FAM167A: variants seen among roughly 807,000 people sequenced by gnomAD.
FAM167A encodes the protein protein FAM167A.
In FAM167A, 23 loss-of-function variants were observed where a neutral mutation model predicts 14.9. The observed-to-expected ratio is 1.55, with a 90% CI of 1.11 to 2.19. FAM167A has a LOEUF of 2.19. FAM167A is among the 30% of genes most tolerant of loss of function. The pLI is 0.00. For synonymous variants in FAM167A, 174 were observed against 117.7 expected, an observed-to-expected ratio of 1.48 and a Z score of -3.10; for missense variants, 401 against 281.5, an observed-to-expected ratio of 1.42 and a Z score of -3.04.
chr8:11,459,661 C>T (rs957336542), intron 1 of FAM167A, among the ~76,000 whole-genome samples: 16 of 152,180 alleles, frequency 1.1e-4, no homozygotes, highest in East Asian at 5.8e-4. Context: ...CAACCTGTGA[C>T]GCTGGACAAG....
At chr8:11,435,404 C>A (rs1257980655) in intron 2 of FAM167A, among the ~76,000 whole-genome samples, 2 of 152,254 alleles carry the variant, frequency 1.3e-5, no homozygotes, top group Non-Finnish European at 2.9e-5. Flanking sequence ...GAGACAGAGA[C>A]TGGGGCCACC....
intron 2 of FAM167A, among the ~76,000 whole-genome samples, chr8:11,431,127 T>C (rs1474269160): frequency 2.6e-5 from 4 of 152,144 alleles, no homozygotes; most frequent in African/African-American, 4.8e-5. Context: ...CAATCACCAA[T>C]AGGCGGAACC....
chr8:11,470,085 A>T (rs1807907725), upstream of FAM167A, among the ~76,000 whole-genome samples: 1 of 152,190 alleles, frequency 6.6e-6, no homozygotes, highest in South Asian at 2.1e-4. Context: ...GAGAACTGAT[A>T]ATCTAGCAGA....
At chr8:11,457,087 TGGGTTGGGGAAATGGGC>T (rs1807357022) in intron 1 of FAM167A, among the ~76,000 whole-genome samples, 3 of 14,758 alleles carry the variant, frequency 2.0e-4, no homozygotes, top group African/African-American at 8.1e-4. Context: ...TGGGCGGGGC[TGGGTTGGGGAAATGGGC>T]GGGGCTGGGT....
chr8:11,433,114 T>C (rs1048828318), intron 2 of FAM167A, among the ~76,000 whole-genome samples: 1 of 151,842 alleles, frequency 6.6e-6, no homozygotes, highest in Non-Finnish European at 1.5e-5. Flanking sequence ...AGGTGACGGG[T>C]TGTTGGGTGC....
intron 2 of FAM167A, among the ~76,000 whole-genome samples, chr8:11,431,295 G>A (rs1342834922): frequency 6.6e-6 from 1 of 152,240 alleles, no homozygotes; most frequent in Non-Finnish European, 1.5e-5. Flanking sequence ...AGACACTAAA[G>A]GCCAAATACC....
At chr8:11,466,058 G>A (rs1024385768) in intron 1 of FAM167A, among the ~76,000 whole-genome samples, 1 of 152,134 alleles carries the variant, frequency 6.6e-6, no homozygotes, top group Non-Finnish European at 1.5e-5. Flanking sequence ...GGTGACTCAG[G>A]GTGCCCACCT....
At chr8:11,459,182 C>T (rs75326686) in intron 1 of FAM167A, among the ~76,000 whole-genome samples, 4 of 152,020 alleles carry the variant, frequency 2.6e-5, no homozygotes, top group African/African-American at 7.3e-5. Flanking sequence ...TGTGCAATAT[C>T]TAGTTTAGCC....
intron 1 of FAM167A, among the ~76,000 whole-genome samples, chr8:11,453,923 G>A (rs1807128135): frequency 6.6e-6 from 1 of 152,242 alleles, no homozygotes; most frequent in Non-Finnish European, 1.5e-5. Context: ...GGGCTCCTCA[G>A]TGACAGCCCA....
In FAM167A at chr8:11,424,295, A is replaced by C; in HGVS notation, c.*78T>G. The C allele has an allele frequency of 6.3e-7, 1 of 1,581,074 alleles. No homozygotes were observed. The highest frequency in any genetic ancestry group is 8.6e-7 in the Non-Finnish European group (1 of 1,160,392). ...CTGCCTCCGGGAGACCCACTGGAGT[A>C]ACTTGGCCTCAGCTTCCTCTGACAC... On this transcript the variant is annotated 3_prime_UTR_variant, in exon 3 of 3. Coordinates refer to ENST00000284486, the MANE Select transcript of FAM167A (RefSeq NM_053279.3).
At chr8:11,468,585 G>A (rs1807858553), upstream of FAM167A, among the ~76,000 whole-genome samples, 1 of 147,574 alleles carries the variant, frequency 6.8e-6, no homozygotes, top group South Asian at 2.1e-4. Flanking sequence ...CCTTCTGGGT[G>A]CTGGCTGTTT....
In FAM167A at chr8:11,423,444, C is replaced by T. The variant is rs915815736; in HGVS notation, c.*929G>A. ...CAGGCACAAAATCTCAGAGGAGGCTCAGGATGGGCCTCTGGGCTCCCTAGA... is the reference window on the plus strand; with the variant it reads ...CAGGCACAAAATCTCAGAGGAGGCTTAGGATGGGCCTCTGGGCTCCCTAGA... On this transcript the variant is annotated 3_prime_UTR_variant, in exon 3 of 3. Coordinates refer to ENST00000284486, the MANE Select transcript of FAM167A (RefSeq NM_053279.3). The T allele has an allele frequency of 5.9e-5, 9 of 152,618 alleles. No individual in the cohort carries two copies. Among genetic ancestry groups the T allele is most frequent in the African/African-American group, 2.2e-4 (9 of 41,450 alleles). 9.5% of individuals were successfully genotyped at this position (152,618 alleles called of 1,614,324 possible).
chr8:11,426,162 G>A (rs186323797), intron 2 of FAM167A, among the ~76,000 whole-genome samples: 4 of 152,246 alleles, frequency 2.6e-5, no homozygotes, highest in Middle Eastern at 3.4e-3. Flanking sequence ...TCAATCAACT[G>A]GCAATAAAAA....
At chr8:11,464,260 A>T (rs1468836640) in intron 1 of FAM167A, among the ~76,000 whole-genome samples, 3 of 152,078 alleles carry the variant, frequency 2.0e-5, no homozygotes, top group Non-Finnish European at 2.9e-5. Context: ...GGTGGGGAAG[A>T]GTTGGCCTTT....
chr8:11,458,459 CCTGT>C, intron 1 of FAM167A, among the ~76,000 whole-genome samples: 1 of 152,260 alleles, frequency 6.6e-6, no homozygotes, highest in Non-Finnish European at 1.5e-5. Flanking sequence ...GGGCATCACT[CCTGT>C]CTAATTTCAG....
Position 11,423,057 on chromosome 8 carries a change from A to G in FAM167A, c.*1316T>C, listed in dbSNP as rs1480338731. 1 of 152,622 alleles carries G rather than the reference A, an allele frequency of 6.6e-6. No individual in the cohort carries two copies. Among genetic ancestry groups the G allele is most frequent in the African/African-American group, 2.4e-5 (1 of 41,448 alleles). 9.5% of individuals were successfully genotyped at this position (152,622 alleles called of 1,614,324 possible). On this transcript the variant is annotated 3_prime_UTR_variant, in exon 3 of 3. Coordinates refer to ENST00000284486, the MANE Select transcript of FAM167A (RefSeq NM_053279.3). The stretch of plus-strand genomic sequence containing the variant: ...ATGGTTTCACACATCAATATTCTAT[A>G]GCCTAAACAGCTGTGCAACCTGAGG...
intron 1 of FAM167A, chr8:11,474,733 C>G (rs1049959685): frequency 1.4e-4 from 21 of 152,256 alleles, no homozygotes; most frequent in African/African-American, 4.3e-4. Context: ...ACAATCAGCC[C>G]TCCTAGACAA....
chr8:11,429,421 T>G (rs1805418401), intron 2 of FAM167A, among the ~76,000 whole-genome samples: 1 of 152,220 alleles, frequency 6.6e-6, no homozygotes, highest in Non-Finnish European at 1.5e-5. Context: ...GAGCTGGGAC[T>G]GGAGTGCCTC....
upstream of FAM167A, among the ~76,000 whole-genome samples, chr8:11,471,165 T>A (rs1807949648): frequency 6.6e-6 from 1 of 152,150 alleles, no homozygotes; most frequent in Non-Finnish European, 1.5e-5. Context: ...AGGAGTGGGC[T>A]TCAGCTAGGA....
Sources: gnomAD v4.1 joint callset for allele counts (sites outside exome capture counted in the v4.1 genomes callset) on GRCh38, gnomAD v4.1.1 for gene constraint, MANE v1.5 for transcripts, NCBI Gene and HGNC (gene_info 2026-07-23, HGNC 2026-07-21) for gene names.